Variants in HMX1 observed in about 807,000 individuals in gnomAD.
The protein encoded by HMX1 is homeobox protein HMX1.
Under a neutral mutation model 8.9 loss-of-function variants are expected in HMX1, and 8 were observed. The ratio of observed to expected loss-of-function variants is 0.90; its 90% CI spans 0.53 to 1.63. The LOEUF (loss-of-function observed/expected upper bound fraction) is 1.63. Among genes scored for constraint, HMX1 ranks in the 40% most tolerant of loss-of-function variants. The probability of loss-of-function intolerance (pLI) is 0.00; values close to 1 mark genes in which losing one functional copy is unlikely to be tolerated. For missense variants in HMX1, 621 were observed against 558.5 expected, an observed-to-expected ratio of 1.11 and a Z score of -1.13; for synonymous variants, 311 against 283.4, an observed-to-expected ratio of 1.10 and a Z score of -0.98.
chr4:8,860,281 AG>A (rs1185554902), intron 1 of HMX1, among the ~76,000 whole-genome samples: 1 of 152,314 alleles, frequency 6.6e-6, no homozygotes, highest in East Asian at 1.9e-4. Context: ...GTCCGGGCAC[AG>A]GCTGAGGGGA....
intron 1 of HMX1, chr4:8,846,366 T>C: frequency 6.9e-7 from 1 of 1,441,920 alleles, no homozygotes; most frequent in Non-Finnish European, 9.4e-7. Flanking sequence ...ACTAGTCATG[T>C]CTGCACAAGG....
At chr4:8,860,020 A>G (rs1045627778) in intron 1 of HMX1, among the ~76,000 whole-genome samples, 2 of 152,240 alleles carry the variant, frequency 1.3e-5, no homozygotes, top group Non-Finnish European at 2.9e-5. Flanking sequence ...GAACCGGCAG[A>G]GCCCCGACGG....
Position 8,868,186 on chromosome 4 carries a change from A to T in HMX1, c.554T>A (p.Val185Asp), listed in dbSNP as rs1035394403. ...GTEEASELAE[V>D]PAAAGETRGG... is the part of the protein sequence containing the mutation. ...GCGTGTCTCCCCAGCCGCCGCAGGGACCTCGGCCAGCTCCGACGCCTCCTC... is the reference window on the plus strand; with the variant it reads ...GCGTGTCTCCCCAGCCGCCGCAGGGTCCTCGGCCAGCTCCGACGCCTCCTC... Residue 185 changes from valine (V) to aspartate (D), a missense_variant, in exon 2 of 2, where the codon GTC becomes GAC. Coordinates refer to ENST00000400677, the MANE Select transcript of HMX1 (RefSeq NM_018942.3). The surrounding 1 kb of genome is among the most constrained non-coding windows in gnomAD (Gnocchi z 4.6). 2.7e-6 allele frequency: 4 copies of T among 1,490,828 alleles called. No homozygotes were observed. The highest frequency in any genetic ancestry group is 1.5e-5 in the African/African-American group (1 of 68,852). The allele number at this position is 1,490,828 out of a possible 1,614,324, so 92.3% of individuals were successfully genotyped here.
chr4:8,866,393 T>G (rs949247350), downstream of HMX1, among the ~76,000 whole-genome samples: 7 of 152,292 alleles, frequency 4.6e-5, no homozygotes, highest in African/African-American at 1.4e-4. Context: ...GAACAACATA[T>G]TTCTCCTAGG....
intron 1 of HMX1, among the ~76,000 whole-genome samples, chr4:8,846,988 T>C: frequency 6.6e-6 from 1 of 152,226 alleles, no homozygotes; most frequent in South Asian, 2.1e-4. Flanking sequence ...AGGGGTTCCC[T>C]GTGTGCAAAA....
Position 8,871,467 on chromosome 4 carries a change from C to G in HMX1, c.148G>C (p.Asp50His). 8 of 1,344,472 alleles carry G rather than the reference C, an allele frequency of 6.0e-6. No homozygotes were observed. Among genetic ancestry groups the G allele is most frequent in the Non-Finnish European group, 7.7e-6 (8 of 1,038,192 alleles). 83.3% of individuals were successfully genotyped at this position (1,344,472 alleles called of 1,614,324 possible). Reference sequence around the variant, plus strand: ...TCGGCGTCCTCGTCTTCGGGGTCGTCGTCGTCCTCCTCCTCGTCCTCCCGG... The same window carrying G: ...TCGGCGTCCTCGTCTTCGGGGTCGTGGTCGTCCTCCTCCTCGTCCTCCCGG... Reference protein sequence around the residue: ...GSREDEEEDDDDPEDEDAEQA... With the variant: ...GSREDEEEDDHDPEDEDAEQA... The change falls in exon 1 of 2, where the codon GAC becomes CAC. Residue 50 changes from aspartate (D) to histidine (H), a missense_variant. Physicochemically the swap from Asp to His is moderately conservative, Grantham distance 81 (BLOSUM62 -1). Coordinates refer to ENST00000400677, the MANE Select transcript of HMX1 (RefSeq NM_018942.3). This position sits in a 1 kb window ranked among gnomAD's most constrained non-coding sequence, Gnocchi z 4.8.
chr4:8,857,822 T>TTGCCCC (rs1318097323), intron 1 of HMX1, among the ~76,000 whole-genome samples: 1 of 151,800 alleles, frequency 6.6e-6, no homozygotes, highest in African/African-American at 2.4e-5. Flanking sequence ...CCCCTTGCCC[T>TTGCCCC]TGCCCCTGCC....
rs1384602831 is a variant in HMX1 at position 8,871,597 on chromosome 4, C to T, written c.18G>A (p.Thr6=). 1.5e-6 allele frequency: 2 copies of T among 1,321,558 alleles called. No individual in the cohort carries two copies. Among genetic ancestry groups the T allele is most frequent in the Admixed American group, 3.5e-5 (1 of 28,398 alleles). 81.9% of individuals were successfully genotyped at this position (1,321,558 alleles called of 1,614,324 possible). A position where few individuals can be genotyped will look rare whatever the true frequency, so the allele number is the denominator to read the frequency against. The change falls in exon 1 of 2, where the codon ACG becomes ACA. Residue 6 remains threonine (T), a synonymous_variant. Transcript: ENST00000400677. This position sits in a 1 kb window ranked among gnomAD's most constrained non-coding sequence, Gnocchi z 4.8. ...GGGCCGGCGTGGCGCGCCCGGGCTCCGTCAGCTCGTCAGGCATCGCGGCCG... is the reference window on the plus strand; with the variant it reads ...GGGCCGGCGTGGCGCGCCCGGGCTCTGTCAGCTCGTCAGGCATCGCGGCCG... MPDEL[T]EPGRATPARA...
At chr4:8,865,242 C>T (rs1721957874), downstream of HMX1, among the ~76,000 whole-genome samples, 1 of 152,244 alleles carries the variant, frequency 6.6e-6, no homozygotes, top group Admixed American at 6.5e-5. Context: ...ACTGCACCCA[C>T]ATCGGCCAGA....
intron 1 of HMX1, among the ~76,000 whole-genome samples, chr4:8,855,150 C>A (rs1039724138): frequency 2.0e-5 from 3 of 152,260 alleles, no homozygotes; most frequent in African/African-American, 7.2e-5. Flanking sequence ...CAGATGAGCC[C>A]GTCAGGCTCC....
At chr4:8,854,197 G>A (rs8143162) in intron 1 of HMX1, among the ~76,000 whole-genome samples, 22,323 of 152,194 alleles carry the variant, frequency 0.15, 2,647 homozygotes, top group African/African-American at 0.33. Flanking sequence ...GACAGATCCT[G>A]CTACACCTCC....
chr4:8,854,217 C>T (rs1410263245), intron 1 of HMX1, among the ~76,000 whole-genome samples: 1 of 152,224 alleles, frequency 6.6e-6, no homozygotes, highest in African/African-American at 2.4e-5. Flanking sequence ...CAGGGAAGTG[C>T]TCAGGGGCTG....
At position 8,867,621 on chromosome 4, in the gene HMX1, C is replaced by A; in HGVS notation, c.*72G>T. Reference sequence around the variant, plus strand: ...TCCCTTCCCTAACGCCCCCTGAGCCCTGCGCCTGCCGCTGAATCGCGCGTC... The same window carrying A: ...TCCCTTCCCTAACGCCCCCTGAGCCATGCGCCTGCCGCTGAATCGCGCGTC... On this transcript the variant is annotated 3_prime_UTR_variant, in exon 2 of 2. Transcript: ENST00000400677. 8.3e-7 allele frequency: 1 copy of A among 1,202,020 alleles called. No individual in the cohort carries two copies. 74.5% of individuals were successfully genotyped at this position (1,202,020 alleles called of 1,614,324 possible). A position where few individuals can be genotyped will look rare whatever the true frequency, so the allele number is the denominator to read the frequency against.
Position 8,871,362 on chromosome 4 carries a change from C to T in HMX1, c.253G>A (p.Ala85Thr). The T allele has an allele frequency of 8.0e-7, 1 of 1,243,318 alleles. No individual in the cohort carries two copies. The highest frequency in any genetic ancestry group is 1.0e-6 in the Non-Finnish European group (1 of 994,490). 77.0% of individuals were successfully genotyped at this position (1,243,318 alleles called of 1,614,324 possible). Residue 85 changes from alanine to threonine, a missense_variant, in exon 1 of 2, where the codon GCG (alanine) becomes ACG (threonine). Coordinates refer to ENST00000400677, the MANE Select transcript of HMX1 (RefSeq NM_018942.3). The surrounding 1 kb of genome is among the most constrained non-coding windows in gnomAD (Gnocchi z 4.8). ...CCCAGCGCGCCCGGCCCGAGCAGCG[C>T]ACGGGCCCGCGCCTCCCCGCCGGGC... ...TGPGGEARAR[A>T]LLGPGALGLG...
At chr4:8,857,404 T>C (rs1181625123) in intron 1 of HMX1, among the ~76,000 whole-genome samples, 1 of 151,712 alleles carries the variant, frequency 6.6e-6, no homozygotes, top group East Asian at 1.9e-4. Flanking sequence ...GGAGGCGGGG[T>C]CTGGGGCAGC....
At position 8,867,208 on chromosome 4, in the gene HMX1, C is replaced by A. The variant is rs950534441; in HGVS notation, c.*485G>T. 5.1e-6 allele frequency: 5 copies of A among 985,790 alleles called. No individual in the cohort carries two copies. Among genetic ancestry groups the A allele is most frequent in the South Asian group, 4.7e-5 (1 of 21,300 alleles). The allele number at this position is 985,790 out of a possible 1,614,324, so 61.1% of individuals were successfully genotyped here. A position where few individuals can be genotyped will look rare whatever the true frequency, so the allele number is the denominator to read the frequency against. On this transcript the variant is annotated 3_prime_UTR_variant, in exon 2 of 2. Transcript: ENST00000400677. ...AGGGTCCTTTCTCCACCAGCACCCG[C>A]GAGAGGGGTAGCACAGCCCTCCGGG...
chr4:8,871,747 G>A lies in HMX1; in HGVS notation c.-133C>T, dbSNP rs1477737720. On this transcript the variant is annotated 5_prime_UTR_variant, in exon 1 of 2. Coordinates refer to ENST00000400677, the MANE Select transcript of HMX1 (RefSeq NM_018942.3). This position sits in a 1 kb window ranked among gnomAD's most constrained non-coding sequence, Gnocchi z 4.8. ...GACCGCTGGCGTCGGGCCCCGCAGG[G>A]CAGGCGGCGGCCTCCGCGCCGGGCT... 2.0e-6 allele frequency: 2 copies of A among 1,001,514 alleles called. No homozygotes were observed. Among genetic ancestry groups the A allele is most frequent in the South Asian group, 4.6e-5 (1 of 21,522 alleles). 62.0% of individuals were successfully genotyped at this position (1,001,514 alleles called of 1,614,324 possible).
At chr4:8,865,871 G>A (rs2109470406), downstream of HMX1, among the ~76,000 whole-genome samples, 1 of 152,348 alleles carries the variant, frequency 6.6e-6, no homozygotes, top group East Asian at 1.9e-4. Context: ...AAGCAGCGAG[G>A]GAGCCCGGAC....
chr4:8,866,409 A>G (rs898488050), downstream of HMX1, among the ~76,000 whole-genome samples: 2 of 152,258 alleles, frequency 1.3e-5, no homozygotes, highest in African/African-American at 4.8e-5. Context: ...CTAGGCTGAA[A>G]CACACACCAA....
Sources: allele counts gnomAD v4.1 joint callset (sites outside exome capture counted in the v4.1 genomes callset), GRCh38; gene constraint gnomAD v4.1.1; non-coding constraint Gnocchi (gnomAD v3.1); transcripts MANE v1.5; gene names NCBI Gene and HGNC (gene_info 2026-07-23, HGNC 2026-07-21).